Variants in CHM observed in about 807,000 individuals in gnomAD.
CHM encodes the protein CHM Rab escort protein.
CHM carries 10 observed loss-of-function variants against 49.0 expected under a neutral mutation model. The observed-to-expected ratio is 0.20, with a 90% CI of 0.13 to 0.35. CHM has a LOEUF of 0.35. Ranked by LOEUF, CHM falls within the 10% of genes least tolerant of loss-of-function variation. The pLI is 1.00. For missense variants in CHM, 455 were observed against 478.4 expected (o/e 0.95, Z 0.46); for synonymous variants, 184 against 167.5 (o/e 1.10, Z -0.76).
chrX:86,028,553 T>C (rs908879916), intron 1 of CHM, among the ~76,000 whole-genome samples: 7 of 111,654 alleles, frequency 6.3e-5, no homozygotes, highest in Admixed American at 4.8e-4. Flanking sequence ...CTGATTATCA[T>C]AAAAAGACAT....
chrX:85,951,713 G>A (rs917706665), intron 8 of CHM, among the ~76,000 whole-genome samples: 1 of 111,706 alleles, frequency 9.0e-6, no homozygotes, highest in Non-Finnish European at 1.9e-5. Context: ...ACAGGAATGC[G>A]GAATTTTAAC....
intron 8 of CHM, among the ~76,000 whole-genome samples, chrX:85,938,967 T>C (rs1928948790): frequency 8.9e-6 from 1 of 111,922 alleles, no homozygotes; most frequent in Non-Finnish European, 1.9e-5. Context: ...GAAAGTCCCA[T>C]AAGATTCTAA....
intron 8 of CHM, among the ~76,000 whole-genome samples, chrX:85,920,156 C>T (rs1231015365): frequency 1.8e-5 from 2 of 108,374 alleles, no homozygotes; most frequent in Non-Finnish European, 3.8e-5. Flanking sequence ...AGTGCAGTGG[C>T]GCGATCTCGG....
At chrX:85,901,007 T>C in intron 10 of CHM, 77 bp downstream of exon 10, 1 of 698,258 alleles carries the variant, frequency 1.4e-6, no homozygotes, top group Non-Finnish European at 2.2e-6. Flanking sequence ...TTTATTTGCA[T>C]GTTACTTGAA....
chrX:86,004,789 C>T (rs1569246526), intron 2 of CHM, among the ~76,000 whole-genome samples: 1 of 111,420 alleles, frequency 9.0e-6, no homozygotes. Flanking sequence ...TACAAAGAGA[C>T]TTAGACTCCC....
intron 4 of CHM, among the ~76,000 whole-genome samples, chrX:85,967,125 G>C (rs185091505): frequency 1.8e-5 from 2 of 111,181 alleles, no homozygotes; most frequent in East Asian, 5.7e-4. Flanking sequence ...TTGGAGTTCT[G>C]CCAAGGTTGA....
intron 8 of CHM, among the ~76,000 whole-genome samples, chrX:85,945,872 G>T (rs1929380477): frequency 8.9e-6 from 1 of 111,969 alleles, no homozygotes; most frequent in Non-Finnish European, 1.9e-5. Flanking sequence ...TATGGACAAT[G>T]AAGTCCAGGC....
rs150359235 is a variant in CHM, at chrX:85,864,157, C to T, written c.*473G>A. The T allele has an allele frequency of 2.2e-3, 301 of 134,835 alleles. 3 individuals carry two copies. Among genetic ancestry groups the T allele is most frequent in the African/African-American group, 9.4e-3 (295 of 31,232 alleles). 11.1% of individuals were successfully genotyped at this position (134,835 alleles called of 1,213,427 possible). On this transcript the variant is annotated 3_prime_UTR_variant, in exon 15 of 15. Coordinates refer to ENST00000357749, the MANE Select transcript of CHM (RefSeq NM_000390.4). ...TCCAAATACAGGCTTCTATCTAGAT[C>T]ATGATACTTTAGTTTTTCTATATGT...
At chrX:85,972,344 C>T (rs773841117) in intron 4 of CHM, among the ~76,000 whole-genome samples, 211 of 113,635 alleles carry the variant, frequency 1.9e-3, no homozygotes, top group African/African-American at 6.3e-3. Flanking sequence ...CTGCCAGTCC[C>T]GCGCCATGCG....
chrX:85,991,756 T>G (rs1932202289), intron 2 of CHM, among the ~76,000 whole-genome samples: 1 of 62,823 alleles, frequency 1.6e-5, no homozygotes, highest in Non-Finnish European at 4.1e-5. Flanking sequence ...AACAAACATG[T>G]TTTTTTTTTT....
chrX:85,955,383 CA>C (rs1207733199), intron 8 of CHM, among the ~76,000 whole-genome samples: 1 of 109,609 alleles, frequency 9.1e-6, no homozygotes, highest in Non-Finnish European at 1.9e-5. Context: ...TATGTACCCA[CA>C]AAAAATAAAA....
At chrX:85,928,412 G>A (rs767952104) in intron 8 of CHM, among the ~76,000 whole-genome samples, 3 of 110,090 alleles carry the variant, frequency 2.7e-5, no homozygotes, top group East Asian at 5.7e-4. Flanking sequence ...GCATGGTGGC[G>A]GGCGCCTGCA....
At chrX:85,879,816 G>A (rs771061257) in intron 12 of CHM, among the ~76,000 whole-genome samples, 16 of 110,443 alleles carry the variant, frequency 1.4e-4, no homozygotes, top group Admixed American at 7.7e-4. Context: ...TTTGGGATGA[G>A]ATACAATAAT....
intron 2 of CHM, among the ~76,000 whole-genome samples, chrX:86,004,450 TAA>T (rs1002824558): frequency 6.3e-5 from 7 of 111,978 alleles, no homozygotes; most frequent in Admixed American, 5.7e-4. Flanking sequence ...ATGCCCCAAT[TAA>T]AAGACACAGA....
intron 4 of CHM, among the ~76,000 whole-genome samples, chrX:85,976,741 C>T (rs1569234965): frequency 1.8e-5 from 2 of 110,975 alleles, no homozygotes; most frequent in African/African-American, 3.3e-5. Context: ...AGAGACATCC[C>T]TTGCTCAGTA....
chrX:85,914,444 T>A (rs1241466808), intron 8 of CHM, among the ~76,000 whole-genome samples: 1 of 110,905 alleles, frequency 9.0e-6, no homozygotes, highest in Admixed American at 9.6e-5. Flanking sequence ...CTGTCATAGA[T>A]CATTGACTGA....
intron 4 of CHM, among the ~76,000 whole-genome samples, chrX:85,974,149 A>G (rs767776419): frequency 7.3e-4 from 82 of 112,428 alleles, no homozygotes; most frequent in African/African-American, 2.5e-3. Context: ...TACCATTTAT[A>G]ATTGTTCCAA....
At chrX:85,997,853 G>A (rs1932511850) in intron 2 of CHM, among the ~76,000 whole-genome samples, 1 of 111,013 alleles carries the variant, frequency 9.0e-6, no homozygotes, top group African/African-American at 3.3e-5. Flanking sequence ...GGGAGGCTGA[G>A]GCAGGAGAAT....
At chrX:85,913,414 C>T (rs1421006765) in intron 8 of CHM, among the ~76,000 whole-genome samples, 3 of 95,933 alleles carry the variant, frequency 3.1e-5, no homozygotes, top group Non-Finnish European at 4.2e-5. Flanking sequence ...AGAAAGGAGA[C>T]GGGAGAGGAG....
Sources: gnomAD v4.1 joint callset for allele counts (sites outside exome capture counted in the v4.1 genomes callset) on GRCh38, gnomAD v4.1.1 for gene constraint, MANE v1.5 for transcripts, NCBI Gene and HGNC (gene_info 2026-07-23, HGNC 2026-07-21) for gene names.